Variants in MARCHF1 observed in about 807,000 individuals in gnomAD.
The protein encoded by MARCHF1 is E3 ubiquitin-protein ligase MARCHF1.
MARCHF1 carries 40 observed loss-of-function variants against 54.2 expected under a neutral mutation model. That is an observed-to-expected ratio of 0.74 (90% CI 0.57 to 0.96). MARCHF1 has a LOEUF of 0.96. MARCHF1 is among the 40% of genes least tolerant of loss of function. The pLI, the probability that MARCHF1 is intolerant of heterozygous loss-of-function variation, is 0.00. For missense variants in MARCHF1, 586 were observed against 656.5 expected (o/e 0.89, Z 1.17); for synonymous variants, 236 against 236.3 (o/e 1.00, Z 0.01).
chr4:164,145,283 A>G (rs918489911), intron 1 of MARCHF1, among the ~76,000 whole-genome samples: 1 of 152,174 alleles, frequency 6.6e-6, no homozygotes, highest in Non-Finnish European at 1.5e-5. Context: ...AACTATTCCA[A>G]TCAATAGAAA....
chr4:163,688,134 C>T (rs573787916), intron 5 of MARCHF1, among the ~76,000 whole-genome samples: 21 of 149,382 alleles, frequency 1.4e-4, no homozygotes, highest in Admixed American at 5.4e-4. Flanking sequence ...ATAAACCACA[C>T]GAAAAACAAA....
intron 1 of MARCHF1, among the ~76,000 whole-genome samples, chr4:164,177,879 T>G (rs1730732077): frequency 6.6e-6 from 1 of 151,972 alleles, no homozygotes; most frequent in Non-Finnish European, 1.5e-5. Flanking sequence ...TGGCTAAAAG[T>G]GTACTTCTGC....
At chr4:164,034,068 CAGAT>C (rs199977044) in intron 2 of MARCHF1, among the ~76,000 whole-genome samples, 11,908 of 110,048 alleles carry the variant, frequency 0.11, 648 homozygotes, top group East Asian at 0.3. Flanking sequence ...ATGTGATAGA[CAGAT>C]AGATAGATAG....
At chr4:164,147,539 T>C (rs940797357) in intron 1 of MARCHF1, among the ~76,000 whole-genome samples, 3 of 130,504 alleles carry the variant, frequency 2.3e-5, no homozygotes, top group African/African-American at 9.4e-5. Context: ...TGGATGAAAT[T>C]GGAAATCATC....
At chr4:163,774,502 C>CT (rs369862555) in intron 4 of MARCHF1, among the ~76,000 whole-genome samples, 20,937 of 137,656 alleles carry the variant, frequency 0.15, 2,915 homozygotes, top group African/African-American at 0.35. Flanking sequence ...AAGTGTTAGG[C>CT]TTTTTTTTTT....
intron 5 of MARCHF1, among the ~76,000 whole-genome samples, chr4:163,670,103 A>G (rs1414626355): frequency 6.6e-6 from 1 of 152,170 alleles, no homozygotes; most frequent in Non-Finnish European, 1.5e-5. Flanking sequence ...ATCATTTATT[A>G]AACACAAATT....
chr4:163,933,698 C>T (rs989588829), intron 3 of MARCHF1, among the ~76,000 whole-genome samples: 6 of 152,220 alleles, frequency 3.9e-5, no homozygotes, highest in African/African-American at 1.4e-4. Flanking sequence ...GCAACTTTTC[C>T]ATGCTCCTAA....
At chr4:164,204,490 G>A (rs1175731021) in intron 1 of MARCHF1, among the ~76,000 whole-genome samples, 1 of 152,150 alleles carries the variant, frequency 6.6e-6, no homozygotes, top group African/African-American at 2.4e-5. Flanking sequence ...CATTGTGTGA[G>A]TCACATTTTA....
intron 3 of MARCHF1, among the ~76,000 whole-genome samples, chr4:163,974,633 T>A (rs1337251499): frequency 6.6e-6 from 1 of 152,200 alleles, no homozygotes; most frequent in Non-Finnish European, 1.5e-5. Context: ...TTTAAAGTCA[T>A]TTGTTATATA....
intron 1 of MARCHF1, among the ~76,000 whole-genome samples, chr4:164,268,105 TAGC>T (rs1400713172): frequency 6.6e-6 from 1 of 152,076 alleles, no homozygotes; most frequent in African/African-American, 2.4e-5. Context: ...AAAATGGGGG[TAGC>T]AGCAACATGG....
At chr4:164,247,792 A>G (rs1732999454) in intron 1 of MARCHF1, among the ~76,000 whole-genome samples, 1 of 149,534 alleles carries the variant, frequency 6.7e-6, no homozygotes, top group African/African-American at 2.5e-5. Flanking sequence ...GCATAGCCAG[A>G]TAAATTTCAC....
At chr4:163,566,673 C>T (rs1739655488) in intron 8 of MARCHF1, among the ~76,000 whole-genome samples, 1 of 152,112 alleles carries the variant, frequency 6.6e-6, no homozygotes, top group Non-Finnish European at 1.5e-5. Context: ...CACTCTAAGC[C>T]TATAAATAGT....
chr4:164,216,213 C>T (rs1223747799), intron 1 of MARCHF1, among the ~76,000 whole-genome samples: 2 of 152,142 alleles, frequency 1.3e-5, no homozygotes, highest in African/African-American at 4.8e-5. Flanking sequence ...CATTTATTTG[C>T]CCTCAACCTT....
intron 7 of MARCHF1, among the ~76,000 whole-genome samples, chr4:163,590,670 A>C (rs966910971): frequency 3.9e-5 from 6 of 152,082 alleles, no homozygotes; most frequent in Non-Finnish European, 5.9e-5. Context: ...CGAATCTCTG[A>C]CATACAACCA....
intron 1 of MARCHF1, among the ~76,000 whole-genome samples, chr4:164,274,461 T>C (rs1423399565): frequency 1.3e-5 from 2 of 151,994 alleles, no homozygotes; most frequent in African/African-American, 4.8e-5. Context: ...TCATATGGAT[T>C]AGCTAGAAAA....
chr4:164,330,058 C>T (rs76337171), intron 1 of MARCHF1: 1 of 151,498 alleles, frequency 6.6e-6, no homozygotes, highest in African/African-American at 2.4e-5. Context: ...CCAGTATGTC[C>T]CTTTGGGTGA....
chr4:164,042,843 G>T (rs1015183816), intron 2 of MARCHF1, among the ~76,000 whole-genome samples: 13 of 152,226 alleles, frequency 8.5e-5, no homozygotes, highest in African/African-American at 3.1e-4. Context: ...CATTTCAAAT[G>T]GGAGAAATTG....
chr4:164,116,698 C>T (rs745508467), intron 1 of MARCHF1, among the ~76,000 whole-genome samples: 1 of 152,034 alleles, frequency 6.6e-6, no homozygotes, highest in Non-Finnish European at 1.5e-5. Flanking sequence ...GAACACCATA[C>T]ATAGAAAGCA....
chr4:164,285,923 C>T (rs1240899398), intron 1 of MARCHF1, among the ~76,000 whole-genome samples: 1 of 150,704 alleles, frequency 6.6e-6, no homozygotes, highest in East Asian at 2.0e-4. Flanking sequence ...CAGAACTTCT[C>T]ATAAAAAAAT....
Sources: allele counts gnomAD v4.1 joint callset (sites outside exome capture counted in the v4.1 genomes callset), GRCh38; gene constraint gnomAD v4.1.1; transcripts MANE v1.5; gene names NCBI Gene and HGNC (gene_info 2026-07-23, HGNC 2026-07-21).